Variants in TXN observed in about 807,000 individuals in gnomAD.
The protein encoded by TXN is thioredoxin.
A neutral mutation model predicts 16.5 loss-of-function variants in TXN; 10 were observed. The observed-to-expected ratio is 0.61, with a 90% confidence interval of 0.37 to 1.03. The LOEUF (loss-of-function observed/expected upper bound fraction) is 1.03. Among genes scored for constraint, TXN ranks in the 50% least tolerant of loss-of-function variants. TXN has a pLI of 0.01. For synonymous variants in TXN, 35 were observed against 39.4 expected, an observed-to-expected ratio of 0.89 and a Z score of 0.42; for missense variants, 71 against 122.5, an observed-to-expected ratio of 0.58 and a Z score of 1.98.
chr9:110,244,914 T>C, intron 3 of TXN, 71 bp from the exon 4 acceptor site: 1 of 1,307,576 alleles, frequency 7.6e-7, no homozygotes, highest in Non-Finnish European at 1.1e-6. Flanking sequence ...ACAGAAGTAA[T>C]CCAAAACCAG....
chr9:110,249,368 T>G (rs1223969135), intron 3 of TXN, among the ~76,000 whole-genome samples: 2 of 151,678 alleles, frequency 1.3e-5, no homozygotes, highest in Admixed American at 1.3e-4. Context: ...CATATCACAT[T>G]CATCATTCAT....
chr9:110,251,097 G>A (rs1167810832), intron 2 of TXN, among the ~76,000 whole-genome samples: 1 of 151,992 alleles, frequency 6.6e-6, no homozygotes, highest in Non-Finnish European at 1.5e-5. Flanking sequence ...CTGAGGCTGG[G>A]ATTTCAAATA....
At chr9:110,255,822 C>CG (rs896880714) in intron 1 of TXN, among the ~76,000 whole-genome samples, 1 of 152,160 alleles carries the variant, frequency 6.6e-6, no homozygotes, top group Non-Finnish European at 1.5e-5. Flanking sequence ...TGGAGGCAGG[C>CG]GGGGGTCTCC....
intron 3 of TXN, among the ~76,000 whole-genome samples, chr9:110,247,210 C>A (rs905443324): frequency 6.6e-6 from 1 of 151,704 alleles, no homozygotes; most frequent in African/African-American, 2.4e-5. Context: ...GTAGTCCCAG[C>A]TACTCAGGAG....
At chr9:110,249,889 C>T (rs1357241451) in intron 3 of TXN, among the ~76,000 whole-genome samples, 1 of 152,164 alleles carries the variant, frequency 6.6e-6, no homozygotes, top group East Asian at 1.9e-4. Flanking sequence ...GACTGGAAGC[C>T]AGGTCCAGCG....
At chr9:110,249,294 A>C (rs1837697551) in intron 3 of TXN, among the ~76,000 whole-genome samples, 4 of 141,206 alleles carry the variant, frequency 2.8e-5, no homozygotes, top group East Asian at 4.4e-4. Context: ...CAAAAATGCA[A>C]TTACACTCTT....
At chr9:110,251,860 T>C (rs555168281) in intron 1 of TXN, among the ~76,000 whole-genome samples, 2 of 152,270 alleles carry the variant, frequency 1.3e-5, no homozygotes, top group Admixed American at 6.5e-5. Context: ...TAAACACTTA[T>C]GGATTATGAA....
chr9:110,251,548 C>A (rs990305446), intron 1 of TXN, 86 bp from the exon 2 acceptor site: 5 of 297,236 alleles, frequency 1.7e-5, no homozygotes, highest in Admixed American at 6.1e-5. Context: ...ACACAAAGCA[C>A]ATTCTGGAGG....
chr9:110,245,650 ATATATTTTTT>A (rs1477152714), intron 3 of TXN, among the ~76,000 whole-genome samples: 3 of 24,642 alleles, frequency 1.2e-4, no homozygotes, highest in South Asian at 2.0e-3. Flanking sequence ...ATATATATAT[ATATATTTTTT>A]TTTTTTTTTT....
intron 3 of TXN, among the ~76,000 whole-genome samples, chr9:110,248,611 T>G (rs544064069): frequency 1.1e-4 from 16 of 152,204 alleles, no homozygotes; most frequent in Admixed American, 2.0e-4. Context: ...AAGTGATGCA[T>G]GACTGTACTT....
intron 1 of TXN, among the ~76,000 whole-genome samples, 197 bp from the exon 2 acceptor site, chr9:110,251,659 A>G (rs1322734437): frequency 6.6e-6 from 1 of 150,494 alleles, no homozygotes; most frequent in Non-Finnish European, 1.5e-5. Context: ...AATTCTATAC[A>G]TTGTTGGTAG....
intron 1 of TXN, among the ~76,000 whole-genome samples, chr9:110,252,424 C>T (rs867107006): frequency 6.6e-6 from 1 of 151,904 alleles, no homozygotes; most frequent in Non-Finnish European, 1.5e-5. Flanking sequence ...TGATTTTTGC[C>T]CTTTATTTTA....
chr9:110,245,648 A>ATTT (rs1465035800), intron 3 of TXN, among the ~76,000 whole-genome samples: 10 of 23,534 alleles, frequency 4.2e-4, no homozygotes, highest in South Asian at 1.9e-3. Context: ...ATATATATAT[A>ATTT]TATATATTTT....
At chr9:110,245,618 C>CTATATATATATG (rs1837639641) in intron 3 of TXN, among the ~76,000 whole-genome samples, 1 of 30,890 alleles carries the variant, frequency 3.2e-5, no homozygotes, top group Non-Finnish European at 5.1e-5. Flanking sequence ...CACACACACA[C>CTATATATATATG]TATATATATA....
At chr9:110,253,152 A>C (rs1013661947) in intron 1 of TXN, among the ~76,000 whole-genome samples, 20 of 149,422 alleles carry the variant, frequency 1.3e-4, no homozygotes, top group Middle Eastern at 3.4e-3. Context: ...AAACCAAATA[A>C]ACAAAAAAAA....
At chr9:110,245,624 A>ACACAC (rs1564367354) in intron 3 of TXN, among the ~76,000 whole-genome samples, 1 of 19,328 alleles carries the variant, frequency 5.2e-5, no homozygotes, top group Non-Finnish European at 8.1e-5. Flanking sequence ...CACACTATAT[A>ACACAC]TATATATATA....
chr9:110,248,192 AAG>A (rs150706076), intron 3 of TXN, among the ~76,000 whole-genome samples: 3,160 of 152,278 alleles, frequency 0.021, 104 homozygotes, highest in African/African-American at 0.073. Flanking sequence ...TTGCTGAAAA[AAG>A]AAATTTTAAA....
chr9:110,256,304 G>A lies in TXN; in HGVS notation c.24+108C>T. The A allele has an allele frequency of 8.4e-7, 1 of 1,187,544 alleles. No homozygotes were observed. The highest frequency in any genetic ancestry group is 1.2e-6 in the Non-Finnish European group (1 of 830,918). 73.6% of individuals were successfully genotyped at this position (1,187,544 alleles called of 1,614,324 possible). On this transcript the variant is annotated intron_variant, in intron 1 of 4. Coordinates refer to ENST00000374517, the MANE Select transcript of TXN (RefSeq NM_003329.4). This position sits in a 1 kb window ranked among gnomAD's most constrained non-coding sequence, Gnocchi z 4.2. ...CTTTCCCCTGGCGATGCGGAGGGGC[G>A]GCCTCCGCACCTCCCGCCACCGCCT...
rs1228829953 is a variant in TXN at position 110,245,654 on chromosome 9, A to ATTT, written c.190-814_190-812dup. 8.3e-4 allele frequency among the ~76,000 whole-genome samples: 18 copies of ATTT among 21,782 alleles called. 3 individuals carry two copies. Among genetic ancestry groups the ATTT allele is most frequent in the African/African-American group, 2.8e-3 (14 of 5,058 alleles). 14.3% of individuals were successfully genotyped at this position (21,782 alleles called of 152,430 possible). On this transcript the variant is annotated intron_variant, in intron 3 of 4. Coordinates refer to ENST00000374517, the MANE Select transcript of TXN (RefSeq NM_003329.4). ...TATATATATATATATATATATATAT[A>ATTT]TTTTTTTTTTTTTTTTTTTATAGGG...
Sources: gnomAD v4.1 joint callset for allele counts (sites outside exome capture counted in the v4.1 genomes callset) on GRCh38, gnomAD v4.1.1 for gene constraint, Gnocchi (gnomAD v3.1) non-coding constraint, MANE v1.5 for transcripts, NCBI Gene and HGNC (gene_info 2026-07-23, HGNC 2026-07-21) for gene names.